Variants in CIT observed in about 807,000 individuals in gnomAD.
CIT encodes the protein citron Rho-interacting kinase.
A neutral mutation model predicts 272.7 loss-of-function variants in CIT; 79 were observed. That is an observed-to-expected ratio of 0.29 (90% confidence interval 0.24 to 0.35). CIT has a LOEUF of 0.35. Ranked by LOEUF, CIT falls within the 10% of genes least tolerant of loss-of-function variation. The pLI, the probability that CIT is intolerant of heterozygous loss-of-function variation, is 1.00. For missense variants in CIT, 1,909 were observed against 2,618.3 expected, an observed-to-expected ratio of 0.73 and a Z score of 5.91; for synonymous variants, 948 against 995.6, an observed-to-expected ratio of 0.95 and a Z score of 0.90.
At chr12:119,832,611 C>T (rs568635602) in intron 7 of CIT, among the ~76,000 whole-genome samples, 160 bp downstream of exon 7, 5 of 152,156 alleles carry the variant, frequency 3.3e-5, no homozygotes, top group African/African-American at 4.8e-5. Context: ...AAAGGTGCCA[C>T]GGTCTGGGAA....
At chr12:119,807,600 T>C (rs940867002) in intron 9 of CIT, among the ~76,000 whole-genome samples, 1 of 152,080 alleles carries the variant, frequency 6.6e-6, no homozygotes, top group South Asian at 2.1e-4. Context: ...GCAGAGTAAA[T>C]ATTTGCTAAG....
chr12:119,747,536 T>C (rs566943660), intron 23 of CIT, among the ~76,000 whole-genome samples: 18 of 151,296 alleles, frequency 1.2e-4, no homozygotes, highest in African/African-American at 3.6e-4. Context: ...CTGGCCAACA[T>C]GGTGAAACCC....
intron 23 of CIT, among the ~76,000 whole-genome samples, chr12:119,744,278 C>A (rs1387097141): frequency 6.6e-6 from 1 of 152,038 alleles, no homozygotes; most frequent in Admixed American, 6.5e-5. Flanking sequence ...GTCAAAGACG[C>A]CCTAACAGAC....
intron 9 of CIT, among the ~76,000 whole-genome samples, chr12:119,816,112 G>C (rs1967161423): frequency 6.6e-6 from 1 of 152,102 alleles, no homozygotes; most frequent in Non-Finnish European, 1.5e-5. Flanking sequence ...ACTTTGCAGA[G>C]CTCCTGGCAC....
At chr12:119,749,712 G>A (rs1298124242) in intron 23 of CIT, among the ~76,000 whole-genome samples, 1 of 152,116 alleles carries the variant, frequency 6.6e-6, no homozygotes, top group Non-Finnish European at 1.5e-5. Flanking sequence ...AACCAAGGGA[G>A]GTTTGTTTCC....
chr12:119,811,582 G>A (rs994594744), intron 9 of CIT, among the ~76,000 whole-genome samples: 13 of 152,208 alleles, frequency 8.5e-5, no homozygotes, highest in African/African-American at 3.1e-4. Context: ...TCTGGTGGTG[G>A]ATTTCAATGG....
At chr12:119,758,546 G>A (rs1189757338) in intron 21 of CIT, 45 bp downstream of exon 21, 3 of 1,252,888 alleles carry the variant, frequency 2.4e-6, no homozygotes, top group Non-Finnish European at 3.5e-6. Context: ...CAGGAGAGGA[G>A]ACCAAAGTGT....
intron 9 of CIT, among the ~76,000 whole-genome samples, chr12:119,811,590 T>C (rs528888520): frequency 6.6e-6 from 1 of 152,358 alleles, no homozygotes; most frequent in East Asian, 1.9e-4. Context: ...TGGATTTCAA[T>C]GGAGATGTGA....
chr12:119,823,080 T>G (rs2138046932), intron 8 of CIT, 107 bp from the exon 9 acceptor site: 1 of 1,225,374 alleles, frequency 8.2e-7, no homozygotes, highest in East Asian at 2.5e-5. Flanking sequence ...TTTTTTTTGT[T>G]TTTTAGAGAA....
intron 7 of CIT, among the ~76,000 whole-genome samples, 159 bp from the exon 8 acceptor site, chr12:119,825,527 C>T (rs1039440973): frequency 1.1e-4 from 15 of 131,924 alleles, no homozygotes; most frequent in African/African-American, 3.3e-4. Flanking sequence ...GAAATGCAAA[C>T]GCTTTACTAA....
intron 1 of CIT, 143 bp from the exon 2 acceptor site, chr12:119,876,324 G>A (rs1950844648): frequency 1.8e-6 from 1 of 570,746 alleles, no homozygotes; most frequent in African/African-American, 1.9e-5. Context: ...GTCTAATCAT[G>A]GAGATTAAAC....
At chr12:119,731,121 G>C (rs2996030) in intron 26 of CIT, among the ~76,000 whole-genome samples, 90,428 of 151,206 alleles carry the variant, frequency 0.6, 27,314 homozygotes, top group African/African-American at 0.68. Flanking sequence ...AGCAAGACTC[G>C]GTCTCAAAAC....
intron 24 of CIT, among the ~76,000 whole-genome samples, chr12:119,739,403 G>A (rs1355127648): frequency 6.6e-6 from 1 of 152,100 alleles, no homozygotes; most frequent in Non-Finnish European, 1.5e-5. Flanking sequence ...TATGGGAGTT[G>A]TGGGAACTCC....
intron 5 of CIT, among the ~76,000 whole-genome samples, chr12:119,849,554 A>C (rs1436121262): frequency 6.6e-6 from 1 of 152,228 alleles, no homozygotes; most frequent in African/African-American, 2.4e-5. Flanking sequence ...AAGCTAACAC[A>C]GGAAGTTTTT....
intron 10 of CIT, among the ~76,000 whole-genome samples, chr12:119,795,720 G>T (rs1965678976): frequency 1.3e-5 from 2 of 152,196 alleles, no homozygotes; most frequent in South Asian, 4.1e-4. Context: ...TCTTAGATGT[G>T]TTTCTACCTT....
intron 10 of CIT, among the ~76,000 whole-genome samples, chr12:119,794,769 G>A (rs60139266): frequency 0.016 from 2,489 of 152,304 alleles, 70 homozygotes; most frequent in African/African-American, 0.057. Flanking sequence ...GGGAGAAAAA[G>A]AGAGTCCAAA....
Position 119,710,515 on chromosome 12 carries a change from C to A in CIT, c.4935+25G>T. On this transcript the variant is annotated intron_variant, in intron 38 of 47. Coordinates refer to ENST00000392521, the MANE Select transcript of CIT (RefSeq NM_001206999.2). This position sits in a 1 kb window ranked among gnomAD's most constrained non-coding sequence, Gnocchi z 5.6. ...GGGTGTGGCTGTAACCAGACACCAG[C>A]TGGCCGTGCCCATGCAAGCATTACC... is the stretch of plus-strand genomic sequence containing the variant. The A allele has an allele frequency of 6.2e-7, 1 of 1,613,944 alleles. No individual in the cohort carries two copies. Among genetic ancestry groups the A allele is most frequent in the African/African-American group, 1.3e-5 (1 of 75,050 alleles).
intron 19 of CIT, among the ~76,000 whole-genome samples, chr12:119,766,735 G>T (rs967368395): frequency 2.2e-4 from 33 of 151,794 alleles, no homozygotes; most frequent in Admixed American, 2.2e-3. Context: ...AACATCTCAT[G>T]TACCCCATAA....
At position 119,688,082 on chromosome 12, in the gene CIT, AG is replaced by A; in HGVS notation, c.*149del. 1.3e-6 allele frequency: 1 copy of A among 796,518 alleles called. No homozygotes were observed. The highest frequency in any genetic ancestry group is 1.6e-5 in the South Asian group (1 of 63,570). 49.3% of individuals were successfully genotyped at this position (796,518 alleles called of 1,614,324 possible). A position where few individuals can be genotyped will look rare whatever the true frequency, so the allele number is the denominator to read the frequency against. ...TCAGCCACCTGCCCCTCCTGGAGAC[AG>A]GGGTGTCCGTGCCGAGGTGGGTCTG... is the stretch of plus-strand genomic sequence containing the variant. On this transcript the variant is annotated 3_prime_UTR_variant, in exon 48 of 48. Transcript: ENST00000392521.
Sources: allele counts gnomAD v4.1 joint callset (sites outside exome capture counted in the v4.1 genomes callset), GRCh38; gene constraint gnomAD v4.1.1; non-coding constraint Gnocchi (gnomAD v3.1); transcripts MANE v1.5; gene names NCBI Gene and HGNC (gene_info 2026-07-23, HGNC 2026-07-21).